Variants in SSH3 observed in about 807,000 individuals in gnomAD.
SSH3 encodes the protein slingshot protein phosphatase 3, also known as protein phosphatase Slingshot homolog 3.
In SSH3, 67 loss-of-function variants were observed where a neutral mutation model predicts 75.0. The ratio of observed to expected loss-of-function variants is 0.89; its 90% CI spans 0.73 to 1.10. The LOEUF is 1.10. Among genes scored for constraint, SSH3 ranks in the 50% least tolerant of loss-of-function variants. The pLI, the probability that SSH3 is intolerant of heterozygous loss-of-function variation, is 0.00. For missense variants in SSH3, 824 were observed against 872.7 expected (o/e 0.94, Z 0.70); for synonymous variants, 318 against 349.2 (o/e 0.91, Z 1.00).
At chr11:67,309,227 TA>T in intron 10 of SSH3, 169 bp from the exon 11 acceptor site, 1 of 783,594 alleles carries the variant, frequency 1.3e-6, no homozygotes, top group Non-Finnish European at 2.0e-6. Context: ...ATGATTGGTC[TA>T]AGGTCGCAGC....
rs370832879 is a variant in SSH3 at position 67,307,880 on chromosome 11, C to T, written c.826C>T (p.Arg276Cys). 1.4e-5 allele frequency: 23 copies of T among 1,614,214 alleles called. 1 individual carries two copies. The highest frequency in any genetic ancestry group is 1.1e-4 in the South Asian group (10 of 91,090). ...ACAGGAGCAGATGGAGCAGGCGATC[C>T]GTGCTGAGCTGTGGAAAGTGTTGGA... The part of the protein sequence containing the change: ...SEQEQMEQAI[R>C]AELWKVLDVS... The change falls in exon 8 of 14, where the codon CGT becomes TGT. Residue 276 changes from arginine to cysteine, a missense_variant. Physicochemically the swap from Arg to Cys is radical, Grantham distance 180 (BLOSUM62 -3). Coordinates refer to ENST00000308127, the MANE Select transcript of SSH3 (RefSeq NM_017857.4). The surrounding 1 kb of genome is among the most constrained non-coding windows in gnomAD (Gnocchi z 4.2).
chr11:67,309,588 G>A (rs1037805871), intron 11 of SSH3, 45 bp downstream of exon 11: 8 of 1,601,022 alleles, frequency 5.0e-6, no homozygotes, highest in African/African-American at 2.7e-5. Context: ...GGCTTCAAGC[G>A]GCCTCCGGTG....
chr11:67,311,654 A>C lies in SSH3; in HGVS notation c.1747A>C (p.Thr583Pro), dbSNP rs1238203651. 1 of 1,614,086 alleles carries C rather than the reference A, an allele frequency of 6.2e-7. No homozygotes were observed. Among genetic ancestry groups the C allele is most frequent in the Non-Finnish European group, 8.5e-7 (1 of 1,180,004 alleles). ...PLQPFPQLARTKGGQQVDRGP... is the reference protein window; with the variant it reads ...PLQPFPQLARPKGGQQVDRGP... Reference sequence around the variant, plus strand: ...GCAGCCCTTCCCACAGCTTGCAAGGACCAAGGGAGGCCAGCAGGTGGACAG... The same window carrying C: ...GCAGCCCTTCCCACAGCTTGCAAGGCCCAAGGGAGGCCAGCAGGTGGACAG... The change falls in exon 14 of 14, where the codon ACC (threonine) becomes CCC (proline). Residue 583 changes from threonine (T) to proline (P), a missense_variant. Physicochemically the swap from Thr to Pro is conservative, Grantham distance 38. Coordinates refer to ENST00000308127, the MANE Select transcript of SSH3 (RefSeq NM_017857.4).
Position 67,307,452 on chromosome 11 carries a change from G to A in SSH3, c.602+16G>A, listed in dbSNP as rs1405680725. 4 of 1,613,818 alleles carry A rather than the reference G, an allele frequency of 2.5e-6. No individual in the cohort carries two copies. The highest frequency in any genetic ancestry group is 3.4e-6 in the Non-Finnish European group (4 of 1,180,020). On this transcript the variant is annotated intron_variant, in intron 6 of 13. Transcript: ENST00000308127. The surrounding 1 kb of genome is among the most constrained non-coding windows in gnomAD (Gnocchi z 4.2). ...AGACCATGTGGTAAGGACAGAGACTGCCTGGACTCAGGCCAGCCTCTCCTT... is the reference window on the plus strand; with the variant it reads ...AGACCATGTGGTAAGGACAGAGACTACCTGGACTCAGGCCAGCCTCTCCTT...
rs745830198 is a variant in SSH3 at position 67,307,866 on chromosome 11, T to C, written c.812T>C (p.Met271Thr). ...EPGGSSEQEQ[M>T]EQAIRAELWK... ...CCCAGGTCCTCAGAACAGGAGCAGATGGAGCAGGCGATCCGTGCTGAGCTG... is the reference window on the plus strand; with the variant it reads ...CCCAGGTCCTCAGAACAGGAGCAGACGGAGCAGGCGATCCGTGCTGAGCTG... The change falls in exon 8 of 14, where the codon ATG (methionine) becomes ACG (threonine). Residue 271 changes from methionine (M) to threonine (T), a missense_variant. By Grantham distance (81) the Met-to-Thr change is moderately conservative (BLOSUM62 -1). Coordinates refer to ENST00000308127, the MANE Select transcript of SSH3 (RefSeq NM_017857.4). The surrounding 1 kb of genome is among the most constrained non-coding windows in gnomAD (Gnocchi z 4.2). 145 of 1,614,068 alleles carry C rather than the reference T, an allele frequency of 9.0e-5. No individual in the cohort carries two copies. Among genetic ancestry groups the C allele is most frequent in the Non-Finnish European group, 1.2e-4 (142 of 1,180,026 alleles).
chr11:67,305,031 G>A (rs1235115163), intron 3 of SSH3, 24 bp downstream of exon 3: 54 of 1,588,832 alleles, frequency 3.4e-5, no homozygotes, highest in Non-Finnish European at 4.4e-5. Context: ...TGGAGCTCCG[G>A]GGGGTGGGGG....
At chr11:67,309,137 T>G (rs1861338390) in intron 10 of SSH3, 1 of 506,312 alleles carries the variant, frequency 2.0e-6, no homozygotes, top group South Asian at 2.3e-5. Flanking sequence ...CTAACTCATT[T>G]CTGAGAATAA....
At chr11:67,304,331 G>A (rs1828535216) in intron 2 of SSH3, among the ~76,000 whole-genome samples, 176 bp downstream of exon 2, 1 of 152,230 alleles carries the variant, frequency 6.6e-6, no homozygotes, top group East Asian at 1.9e-4. Context: ...CGGTAGGGCG[G>A]CCTTTGCCTT....
chr11:67,310,112 G>A lies in SSH3; in HGVS notation c.1456G>A (p.Glu486Lys), dbSNP rs775434265. Reference protein sequence around the residue: ...WEQKVGGVSPEEHPAPEVSTP... With the variant: ...WEQKVGGVSPKEHPAPEVSTP... ...GCAGAAAGTGGGTGGGGTCTCCCCA[G>A]AGGAGCACCCAGCCCCTGAAGTCTC... Residue 486 changes from glutamate (E) to lysine (K), a missense_variant, in exon 13 of 14, where the codon GAG becomes AAG. Coordinates refer to ENST00000308127, the MANE Select transcript of SSH3 (RefSeq NM_017857.4). 5 of 1,614,086 alleles carry A rather than the reference G, an allele frequency of 3.1e-6. No homozygotes were observed. Among genetic ancestry groups the A allele is most frequent in the Non-Finnish European group, 4.2e-6 (5 of 1,180,028 alleles).
chr11:67,310,470 T>A, intron 13 of SSH3, 131 bp downstream of exon 13: 1 of 1,225,774 alleles, frequency 8.2e-7, no homozygotes, highest in South Asian at 1.6e-5. Context: ...GGCCCGCCCA[T>A]GCAGGGTGTC....
chr11:67,311,725 C>A lies in SSH3; in HGVS notation c.1818C>A (p.Leu606=). The part of the protein sequence containing the change: ...ALKSRQSVVT[L]QGSAVVANRT... ...AGTCCCGCCAGTCAGTGGTTACCCT[C>A]CAGGGCAGTGCCGTGGTGGCCAACC... Residue 606 remains leucine (L), a synonymous_variant, in exon 14 of 14, where the codon CTC becomes CTA. Coordinates refer to ENST00000308127, the MANE Select transcript of SSH3 (RefSeq NM_017857.4). 6.2e-7 allele frequency: 1 copy of A among 1,614,036 alleles called. No individual in the cohort carries two copies. Among genetic ancestry groups the A allele is most frequent in the Non-Finnish European group, 8.5e-7 (1 of 1,179,974 alleles).
intron 2 of SSH3, 28 bp downstream of exon 2, chr11:67,304,183 C>T (rs1490698701): frequency 1.9e-6 from 3 of 1,540,664 alleles, no homozygotes; most frequent in African/African-American, 2.7e-5. Context: ...CACGCAGACA[C>T]TTCCGTCTGC....
rs61731165 is a variant in SSH3 at position 67,306,922 on chromosome 11, G to A, written c.424G>A (p.Asp142Asn). The change falls in exon 4 of 14, where the codon GAT (aspartate) becomes AAT (asparagine). Residue 142 changes from aspartate (D) to asparagine (N), a missense_variant. Asp to Asn is a conservative substitution (Grantham distance 23). Transcript: ENST00000308127. ...STREGEGLSQ[D>N]ETVLLGVDFP... ...ACGAGAAGGAGAAGGTCTGAGCCAG[G>A]ATGAGACGGTCCTCCTGGGCGTGGA... 0.016 allele frequency: 26,510 copies of A among 1,613,668 alleles called. 272 individuals carry two copies. The highest frequency in any genetic ancestry group is 0.019 in the Non-Finnish European group (22,284 of 1,179,642).
chr11:67,310,546 G>A (rs1012438833), intron 13 of SSH3, among the ~76,000 whole-genome samples: 24 of 152,288 alleles, frequency 1.6e-4, no homozygotes, highest in Non-Finnish European at 2.6e-4. Flanking sequence ...CTTAGCACCC[G>A]GCGTCTCCAG....
Position 67,307,746 on chromosome 11 carries a change from G to A in SSH3, c.791+9G>A, listed in dbSNP as rs376154199. On this transcript the variant is annotated intron_variant, in intron 7 of 13. Transcript: ENST00000308127. The surrounding 1 kb of genome is among the most constrained non-coding windows in gnomAD (Gnocchi z 4.2). ...AGCGCCGAGCCTGGCGGGTCAGTGTGTGGAGGGGAGGGACTGGGTGGAGGG... is the reference window on the plus strand; with the variant it reads ...AGCGCCGAGCCTGGCGGGTCAGTGTATGGAGGGGAGGGACTGGGTGGAGGG... The A allele has an allele frequency of 1.7e-5, 27 of 1,613,688 alleles. No homozygotes were observed. Among genetic ancestry groups the A allele is most frequent in the Non-Finnish European group, 2.3e-5 (27 of 1,179,982 alleles).
rs767131435 is a variant in SSH3, at chr11:67,308,222, C to T, written c.934C>T (p.Arg312Cys). ...CCTGGGGCTCCCCCTCCAGCAGTAC[C>T]GTGACTTCATCGACAACCAGATGCT... ...LRLGLPLQQY[R>C]DFIDNQMLLL... The change falls in exon 9 of 14, where the codon CGT becomes TGT. Residue 312 changes from arginine to cysteine, a missense_variant. Coordinates refer to ENST00000308127, the MANE Select transcript of SSH3 (RefSeq NM_017857.4). The surrounding 1 kb of genome is among the most constrained non-coding windows in gnomAD (Gnocchi z 4.9). 9 of 1,614,088 alleles carry T rather than the reference C, an allele frequency of 5.6e-6. No homozygotes were observed. The highest frequency in any genetic ancestry group is 1.1e-5 in the South Asian group (1 of 91,086).
Position 67,306,964 on chromosome 11 carries a change from T to A in SSH3, c.464+2T>A, listed in dbSNP as rs1861262828. The A allele has an allele frequency of 1.9e-6, 3 of 1,612,068 alleles. No individual in the cohort carries two copies. Among genetic ancestry groups the A allele is most frequent in the Non-Finnish European group, 2.5e-6 (3 of 1,178,492 alleles). Reference sequence around the variant, plus strand: ...GGGCGTGGATTTCCCTGACAGCAGGTTCGAGCAGGGAGAGGAAAGGAGGGG... The same window carrying A: ...GGGCGTGGATTTCCCTGACAGCAGGATCGAGCAGGGAGAGGAAAGGAGGGG... On this transcript the variant is annotated splice_donor_variant, in intron 4 of 13. Coordinates refer to ENST00000308127, the MANE Select transcript of SSH3 (RefSeq NM_017857.4). LOFTEE classifies it high-confidence loss of function.
rs886341685 is a variant in SSH3, at chr11:67,312,060, C to T, written c.*173C>T. 3 of 839,612 alleles carry T rather than the reference C, an allele frequency of 3.6e-6. No homozygotes were observed. Among genetic ancestry groups the T allele is most frequent in the Non-Finnish European group, 5.4e-6 (3 of 556,864 alleles). 52.0% of individuals were successfully genotyped at this position (839,612 alleles called of 1,614,324 possible). A position where few individuals can be genotyped will look rare whatever the true frequency, so the allele number is the denominator to read the frequency against. Reference sequence around the variant, plus strand: ...GCCTCACCTCCCACCCCTGTCACTACAGCCTCACCTCCTACAGCCTTAAGT... The same window carrying T: ...GCCTCACCTCCCACCCCTGTCACTATAGCCTCACCTCCTACAGCCTTAAGT... On this transcript the variant is annotated 3_prime_UTR_variant, in exon 14 of 14. Coordinates refer to ENST00000308127, the MANE Select transcript of SSH3 (RefSeq NM_017857.4).
chr11:67,306,012 G>A (rs982495342), intron 3 of SSH3, among the ~76,000 whole-genome samples: 3 of 152,064 alleles, frequency 2.0e-5, no homozygotes, highest in Non-Finnish European at 4.4e-5. Context: ...AAAACTGGCC[G>A]GGCGCGGTGG....
Sources: allele counts gnomAD v4.1 joint callset (sites outside exome capture counted in the v4.1 genomes callset), GRCh38; gene constraint gnomAD v4.1.1; non-coding constraint Gnocchi (gnomAD v3.1); transcripts MANE v1.5; gene names NCBI Gene and HGNC (gene_info 2026-07-23, HGNC 2026-07-21).